STIM1: variants seen among roughly 807,000 people sequenced by gnomAD.
STIM1 encodes the protein stromal interaction molecule 1.
STIM1 carries 25 observed loss-of-function variants against 74.7 expected under a neutral mutation model. The ratio of observed to expected loss-of-function variants is 0.33; its 90% CI spans 0.24 to 0.47. The LOEUF is 0.47. STIM1 is among the 20% of genes least tolerant of loss of function. The pLI, the probability that STIM1 is intolerant of heterozygous loss-of-function variation, is 1.00. For missense variants in STIM1, 728 were observed against 920.8 expected, an observed-to-expected ratio of 0.79 and a Z score of 2.71; for synonymous variants, 328 against 348.8, an observed-to-expected ratio of 0.94 and a Z score of 0.66.
chr11:4,047,139 A>G (rs1308594132), intron 3 of STIM1, among the ~76,000 whole-genome samples: 1 of 152,236 alleles, frequency 6.6e-6, no homozygotes, highest in Non-Finnish European at 1.5e-5. Flanking sequence ...GTGGATGAGC[A>G]AAAATGAACA....
intron 2 of STIM1, among the ~76,000 whole-genome samples, chr11:4,005,155 C>G (rs1440929669): frequency 6.6e-6 from 1 of 152,154 alleles, no homozygotes; most frequent in Non-Finnish European, 1.5e-5. Flanking sequence ...CTAGTTCAAC[C>G]ATTGTGGAAG....
intron 2 of STIM1, among the ~76,000 whole-genome samples, chr11:4,004,311 C>A (rs1389440525): frequency 6.6e-6 from 1 of 152,094 alleles, no homozygotes; most frequent in Non-Finnish European, 1.5e-5. Flanking sequence ...AAGCTGGAGG[C>A]ATCACGCTAC....
At chr11:4,005,488 C>A in intron 2 of STIM1, among the ~76,000 whole-genome samples, 1 of 149,718 alleles carries the variant, frequency 6.7e-6, no homozygotes. Flanking sequence ...GGACAAAAAA[C>A]CAAACACCGC....
chr11:3,879,860 A>G (rs1460094894), intron 1 of STIM1, among the ~76,000 whole-genome samples: 1 of 152,204 alleles, frequency 6.6e-6, no homozygotes, highest in Non-Finnish European at 1.5e-5. Context: ...AGTGAATGGT[A>G]AAGTAGCCCA....
chr11:4,056,033 C>A (rs929108256), intron 4 of STIM1, among the ~76,000 whole-genome samples: 10 of 152,158 alleles, frequency 6.6e-5, no homozygotes, highest in African/African-American at 2.2e-4. Flanking sequence ...TAGTTAGGGG[C>A]AAAACTGAGA....
intron 1 of STIM1, among the ~76,000 whole-genome samples, chr11:3,885,110 A>T (rs1480075718): frequency 6.6e-6 from 1 of 152,134 alleles, no homozygotes; most frequent in Non-Finnish European, 1.5e-5. Flanking sequence ...ATATATTAAA[A>T]ATCACTGAAT....
At chr11:3,871,995 C>T (rs1406537147) in intron 1 of STIM1, among the ~76,000 whole-genome samples, 1 of 152,176 alleles carries the variant, frequency 6.6e-6, no homozygotes, top group Admixed American at 6.5e-5. Context: ...TGGTTTATCC[C>T]TCTCTCTTTA....
Position 4,086,432 on chromosome 11 carries a change from A to G in STIM1, c.1568-45A>G. The G allele has an allele frequency of 2.5e-6, 4 of 1,608,202 alleles. No homozygotes were observed. In the South Asian group the frequency reaches 4.4e-5, roughly 18 times the overall value. ...TGGGCACCTCCTTACCTGCCAGCCC[A>G]AAGTGGGCTGGCCCCTCCTGACACT... On this transcript the variant is annotated intron_variant, in intron 11 of 12. Transcript: ENST00000526596.
Position 4,082,857 on chromosome 11 carries a change from T to C in STIM1, c.1138-25T>C, listed in dbSNP as rs10767828. On this transcript the variant is annotated intron_variant, in intron 8 of 12. Coordinates refer to ENST00000526596, the MANE Select transcript of STIM1 (RefSeq NM_001382567.1). ...TCCATTCTCGAATCCCTGCTCTTTTTGAGCTGGGGGCCTCATCTTTGCAGG... is the reference window on the plus strand; with the variant it reads ...TCCATTCTCGAATCCCTGCTCTTTTCGAGCTGGGGGCCTCATCTTTGCAGG... 0.85 allele frequency: 1,357,325 copies of C among 1,605,284 alleles called. 588,921 individuals are homozygous for C. Among genetic ancestry groups the C allele is most frequent in the South Asian group, 0.91 (82,396 of 90,888 alleles).
At chr11:3,854,627 A>C (rs887695661), upstream of STIM1, 11 of 152,424 alleles carry the variant, frequency 7.2e-5, no homozygotes, top group African/African-American at 9.6e-5. Context: ...CTCATTCTCA[A>C]GTCGCTGACA....
chr11:3,905,114 T>C (rs1022007752), intron 1 of STIM1, among the ~76,000 whole-genome samples: 15 of 151,800 alleles, frequency 9.9e-5, no homozygotes, highest in Admixed American at 5.9e-4. Flanking sequence ...GAAAAGTTTC[T>C]AAAAGAAAGC....
In STIM1 at chr11:3,856,339, C is replaced by T. The variant is rs779453226; in HGVS notation, c.69C>T (p.Leu23=). ...WGLLLHQGQS[L]SHSHSEKATG... is the part of the protein sequence containing the mutation. The stretch of plus-strand genomic sequence containing the variant: ...TCCTCCTGCACCAGGGCCAGAGCCT[C>T]AGCCATAGTCACAGTGAGAAGGCGA... The change falls in exon 1 of 13, where the codon CTC becomes CTT. Residue 23 remains leucine, a synonymous_variant. Coordinates refer to ENST00000526596, the MANE Select transcript of STIM1 (RefSeq NM_001382567.1). 5 of 1,614,226 alleles carry T rather than the reference C, an allele frequency of 3.1e-6. No individual in the cohort carries two copies. The highest frequency in any genetic ancestry group is 2.2e-5 in the South Asian group (2 of 91,086).
chr11:3,916,287 G>GATTTTTTTTT (rs1554956771), intron 1 of STIM1, among the ~76,000 whole-genome samples: 1 of 144,508 alleles, frequency 6.9e-6, no homozygotes, highest in South Asian at 2.2e-4. Context: ...AGTCAGTAAT[G>GATTTTTTTTT]TTTTTTTTTT....
chr11:3,938,400 C>G (rs1421068822), intron 1 of STIM1, among the ~76,000 whole-genome samples: 2 of 152,156 alleles, frequency 1.3e-5, no homozygotes, highest in African/African-American at 2.4e-5. Flanking sequence ...CACAAAATAT[C>G]CTGTTGTATC....
chr11:3,934,808 A>G (rs2092913633), intron 1 of STIM1, among the ~76,000 whole-genome samples: 1 of 152,250 alleles, frequency 6.6e-6, no homozygotes, highest in Non-Finnish European at 1.5e-5. Context: ...GAGAGAGAAC[A>G]GAGCACAGAT....
In STIM1 at chr11:3,907,556, CCTAA is replaced by C. The variant is rs1360108911; in HGVS notation, c.139+51150_139+51153del. Among the ~76,000 whole-genome samples, 5 of 152,218 alleles carry C rather than the reference CCTAA, an allele frequency of 3.3e-5. No individual in the cohort carries two copies. In the East Asian group the frequency reaches 5.8e-4, roughly 18 times the overall value. Reference sequence around the variant, plus strand: ...CGTCTCTTGCCTGGTGAGATAATAGCCTAACTGATTGCCCTGCTTTTGCCCTTGC... The same window carrying C: ...CGTCTCTTGCCTGGTGAGATAATAGCCTGATTGCCCTGCTTTTGCCCTTGC... On this transcript the variant is annotated intron_variant, in intron 1 of 12. Coordinates refer to ENST00000526596, the MANE Select transcript of STIM1 (RefSeq NM_001382567.1).
upstream of STIM1, chr11:3,855,001 G>C (rs1590492012): frequency 6.6e-6 from 1 of 152,278 alleles, no homozygotes; most frequent in African/African-American, 2.4e-5. Flanking sequence ...CAAAAGAGCA[G>C]GCCCTCCCAG....
At chr11:3,922,099 G>C (rs1590567736) in intron 1 of STIM1, among the ~76,000 whole-genome samples, 1 of 151,978 alleles carries the variant, frequency 6.6e-6, no homozygotes, top group African/African-American at 2.4e-5. Flanking sequence ...GGGGTAATTT[G>C]TTATGCAATT....
chr11:4,010,693 T>G (rs2093827018), intron 2 of STIM1, among the ~76,000 whole-genome samples: 1 of 152,080 alleles, frequency 6.6e-6, no homozygotes. Flanking sequence ...GTAGCCTGTT[T>G]CTATGGGTTC....
Sources: gnomAD v4.1 joint callset for allele counts (sites outside exome capture counted in the v4.1 genomes callset) on GRCh38, gnomAD v4.1.1 for gene constraint, MANE v1.5 for transcripts, NCBI Gene and HGNC (gene_info 2026-07-23, HGNC 2026-07-21) for gene names.